The following MEI4 variants were observed in gnomAD, a reference collection of about 807,000 sequenced individuals.
MEI4 encodes the protein meiosis-specific protein MEI4.
In MEI4, 27 loss-of-function variants were observed where a neutral mutation model predicts 31.4. The ratio of observed to expected loss-of-function variants is 0.86; its 90% CI spans 0.63 to 1.19. The LOEUF (loss-of-function observed/expected upper bound fraction) is 1.19. Ranked by LOEUF, MEI4 falls within the 50% of genes most tolerant of loss-of-function variation. The pLI is 0.00. For synonymous variants in MEI4, 122 were observed against 145.4 expected (o/e 0.84, Z 1.16); for missense variants, 329 against 398.9 (o/e 0.82, Z 1.49).
intron 4 of MEI4, among the ~76,000 whole-genome samples, chr6:77,877,133 T>C (rs1195200537): frequency 6.6e-6 from 1 of 152,098 alleles, no homozygotes; most frequent in Non-Finnish European, 1.5e-5. Flanking sequence ...CCACTTTGAA[T>C]TTAATTATTT....
intron 3 of MEI4, among the ~76,000 whole-genome samples, chr6:77,828,713 G>T (rs1770013150): frequency 1.3e-5 from 2 of 151,866 alleles, no homozygotes; most frequent in South Asian, 4.2e-4. Flanking sequence ...TTCCATTTTA[G>T]CACCCTGTTT....
intron 2 of MEI4, among the ~76,000 whole-genome samples, chr6:77,736,041 TCAGA>T (rs56393101): frequency 0.14 from 20,956 of 152,006 alleles, 1,562 homozygotes; most frequent in Middle Eastern, 0.21. Context: ...CTTCAAACTG[TCAGA>T]CAGGGACTTT....
intron 3 of MEI4, among the ~76,000 whole-genome samples, chr6:77,808,978 G>A (rs1219801035): frequency 1.3e-5 from 2 of 152,180 alleles, no homozygotes; most frequent in African/African-American, 4.8e-5. Flanking sequence ...TGCAAATGAG[G>A]CAATGTCTGA....
chr6:77,753,173 A>G (rs569290333), intron 2 of MEI4, among the ~76,000 whole-genome samples: 64 of 152,346 alleles, frequency 4.2e-4, no homozygotes, highest in African/African-American at 1.5e-3. Flanking sequence ...AGGCAATACC[A>G]TTCAGGACAT....
At chr6:77,905,755 C>T (rs1766281326) in intron 4 of MEI4, among the ~76,000 whole-genome samples, 1 of 150,148 alleles carries the variant, frequency 6.7e-6, no homozygotes, top group South Asian at 2.1e-4. Flanking sequence ...CTCGGCCTCC[C>T]AGAGTGCTGA....
At chr6:77,733,626 C>T (rs924608924) in intron 2 of MEI4, among the ~76,000 whole-genome samples, 1 of 151,906 alleles carries the variant, frequency 6.6e-6, no homozygotes, top group South Asian at 2.1e-4. Flanking sequence ...CCTCTATTTC[C>T]TTCAGTTCTG....
chr6:77,650,556 C>A (rs967828941), upstream of MEI4, among the ~76,000 whole-genome samples: 7 of 152,212 alleles, frequency 4.6e-5, no homozygotes, highest in African/African-American at 1.7e-4. Flanking sequence ...GGCGCCCTCC[C>A]CCGCTACAGG....
At chr6:77,752,506 C>CAA (rs1316190944) in intron 2 of MEI4, among the ~76,000 whole-genome samples, 1 of 152,100 alleles carries the variant, frequency 6.6e-6, no homozygotes, top group Non-Finnish European at 1.5e-5. Flanking sequence ...CTCCCATTCA[C>CAA]AATTGCTACT....
intron 3 of MEI4, among the ~76,000 whole-genome samples, chr6:77,795,792 A>T (rs1347028357): frequency 6.6e-6 from 1 of 151,906 alleles, no homozygotes; most frequent in African/African-American, 2.4e-5. Context: ...CCAACAAATA[A>T]AAACCCAGGA....
intron 2 of MEI4, among the ~76,000 whole-genome samples, chr6:77,760,614 T>C (rs1483047): frequency 0.33 from 50,184 of 151,982 alleles, 8,751 homozygotes; most frequent in East Asian, 0.48. Flanking sequence ...GTATGGTATT[T>C]TTTTGCCTTC....
chr6:77,914,796 G>A (rs985389727), intron 4 of MEI4, among the ~76,000 whole-genome samples: 6 of 152,044 alleles, frequency 3.9e-5, no homozygotes, highest in South Asian at 2.1e-4. Context: ...TCCTATCTTC[G>A]TGGTGTATTG....
intron 4 of MEI4, among the ~76,000 whole-genome samples, chr6:77,878,849 T>G (rs2127727869): frequency 6.6e-6 from 1 of 152,242 alleles, no homozygotes; most frequent in Middle Eastern, 3.4e-3. Flanking sequence ...ACTGAGCATT[T>G]TAAAATTTAA....
intron 1 of MEI4, among the ~76,000 whole-genome samples, chr6:77,662,873 G>A (rs1001695331): frequency 1.2e-4 from 18 of 152,294 alleles, no homozygotes; most frequent in Admixed American, 8.5e-4. Flanking sequence ...TAACAGATGA[G>A]GAAGAAATTT....
chr6:77,842,532 A>G (rs2127715291), intron 4 of MEI4, among the ~76,000 whole-genome samples: 1 of 152,130 alleles, frequency 6.6e-6, no homozygotes, highest in East Asian at 1.9e-4. Context: ...AATAATGAAT[A>G]TAAGAGCATA....
At chr6:77,916,978 A>T (rs1766573227) in intron 4 of MEI4, among the ~76,000 whole-genome samples, 1 of 132,090 alleles carries the variant, frequency 7.6e-6, no homozygotes, top group Admixed American at 8.8e-5. Flanking sequence ...TGTCCGTGTG[A>T]TCTCATTGTT....
intron 2 of MEI4, among the ~76,000 whole-genome samples, chr6:77,710,896 C>G (rs1419213091): frequency 6.6e-6 from 1 of 152,164 alleles, no homozygotes; most frequent in Non-Finnish European, 1.5e-5. Flanking sequence ...AACCCAAATG[C>G]CCTCATTGGC....
chr6:77,709,573 T>A (rs1766410357), intron 2 of MEI4, among the ~76,000 whole-genome samples: 1 of 152,192 alleles, frequency 6.6e-6, no homozygotes, highest in South Asian at 2.1e-4. Flanking sequence ...CTTCTGATCC[T>A]TATACATACT....
chr6:77,686,875 C>CTTTTTTTTTTT (rs70974681), intron 1 of MEI4, among the ~76,000 whole-genome samples: 3 of 132,488 alleles, frequency 2.3e-5, no homozygotes, highest in Non-Finnish European at 4.9e-5. Context: ...GTCTGTGGCT[C>CTTTTTTTTTTT]TTTTTTTTTG....
intron 3 of MEI4, among the ~76,000 whole-genome samples, chr6:77,771,851 T>C (rs1182886256): frequency 6.6e-6 from 1 of 151,994 alleles, no homozygotes; most frequent in African/African-American, 2.4e-5. Context: ...GCTTAGAACC[T>C]GGGTGATAAA....
Sources: allele counts gnomAD v4.1 joint callset (sites outside exome capture counted in the v4.1 genomes callset), GRCh38; gene constraint gnomAD v4.1.1; transcripts MANE v1.5; gene names NCBI Gene and HGNC (gene_info 2026-07-23, HGNC 2026-07-21).